WWOX: variants seen among roughly 807,000 people sequenced by gnomAD.
The protein encoded by WWOX is WW domain-containing oxidoreductase.
A neutral mutation model predicts 46.2 loss-of-function variants in WWOX; 69 were observed. The observed-to-expected ratio is 1.49, with a 90% confidence interval of 1.23 to 1.82. WWOX has a LOEUF of 1.82. Among genes scored for constraint, WWOX ranks in the 40% most tolerant of loss-of-function variants. The probability of loss-of-function intolerance (pLI) is 0.00; values close to 1 mark genes in which losing one functional copy is unlikely to be tolerated. For missense variants in WWOX, 919 were observed against 542.6 expected, an observed-to-expected ratio of 1.69 and a Z score of -6.89; for synonymous variants, 359 against 202.6, an observed-to-expected ratio of 1.77 and a Z score of -6.56.
intron 8 of WWOX, among the ~76,000 whole-genome samples, chr16:78,802,165 C>T (rs1026790555): frequency 6.7e-6 from 1 of 148,224 alleles, no homozygotes; most frequent in East Asian, 2.0e-4. Flanking sequence ...ATATACAACA[C>T]AAAGAGCGAA....
At chr16:78,304,633 T>C (rs1309229367) in intron 5 of WWOX, among the ~76,000 whole-genome samples, 1 of 152,228 alleles carries the variant, frequency 6.6e-6, no homozygotes, top group Admixed American at 6.5e-5. Context: ...CGATAATCCA[T>C]TGCAGAGCTG....
In WWOX at chr16:79,181,558, G is replaced by T. The variant is rs187883995; in HGVS notation, c.1057-30050G>T. ...GTATTGTTGAAAACTCTTGGTAGGGGTTTTTTTTTTAATTGGCTGGAAGCA... is the reference window on the plus strand; with the variant it reads ...GTATTGTTGAAAACTCTTGGTAGGGTTTTTTTTTTTAATTGGCTGGAAGCA... On this transcript the variant is annotated intron_variant, in intron 8 of 8. Coordinates refer to ENST00000566780, the MANE Select transcript of WWOX (RefSeq NM_016373.4). 9.4e-3 allele frequency among the ~76,000 whole-genome samples: 1,395 copies of T among 148,684 alleles called. 12 individuals are homozygous for T. Among genetic ancestry groups the T allele is most frequent in the Non-Finnish European group, 0.016 (1,052 of 66,862 alleles).
At chr16:78,679,509 C>G (rs1187784542) in intron 8 of WWOX, among the ~76,000 whole-genome samples, 1 of 152,058 alleles carries the variant, frequency 6.6e-6, no homozygotes, top group Non-Finnish European at 1.5e-5. Context: ...CAAAATTGCA[C>G]CACTGCACTC....
At chr16:78,331,176 G>C (rs548374267) in intron 5 of WWOX, among the ~76,000 whole-genome samples, 19 of 152,206 alleles carry the variant, frequency 1.2e-4, no homozygotes, top group African/African-American at 4.6e-4. Flanking sequence ...ACGGCTTTTT[G>C]TTGCAACTAA....
chr16:79,194,127 G>A (rs189366555), intron 8 of WWOX, among the ~76,000 whole-genome samples: 13 of 152,210 alleles, frequency 8.5e-5, no homozygotes, highest in Admixed American at 7.2e-4. Flanking sequence ...CGTGTGGCAC[G>A]TAATGCATAT....
At chr16:78,457,340 G>C (rs79134196) in intron 8 of WWOX, among the ~76,000 whole-genome samples, 6,310 of 152,206 alleles carry the variant, frequency 0.041, 440 homozygotes, top group African/African-American at 0.14. Flanking sequence ...TTTGCTACTT[G>C]TTCTCTTGGT....
At chr16:78,106,159 G>A (rs2032130489) in intron 1 of WWOX, among the ~76,000 whole-genome samples, 1 of 152,198 alleles carries the variant, frequency 6.6e-6, no homozygotes, top group Non-Finnish European at 1.5e-5. Context: ...CACATTTGAT[G>A]TGTGCCTATG....
chr16:78,804,191 A>G (rs79542985), intron 8 of WWOX, among the ~76,000 whole-genome samples: 8,755 of 152,196 alleles, frequency 0.058, 868 homozygotes, highest in African/African-American at 0.2. Flanking sequence ...TGAAGAGCCC[A>G]GGAACTGCAG....
intron 8 of WWOX, among the ~76,000 whole-genome samples, chr16:78,697,486 A>C (rs2048125882): frequency 6.6e-6 from 1 of 151,072 alleles, no homozygotes; most frequent in Non-Finnish European, 1.5e-5. Context: ...AGTGGGAGAA[A>C]ATCTATACAA....
chr16:78,404,180 G>C (rs1440872526), intron 6 of WWOX, among the ~76,000 whole-genome samples: 1 of 152,034 alleles, frequency 6.6e-6, no homozygotes, highest in African/African-American at 2.4e-5. Flanking sequence ...GGGACTCGGG[G>C]GTTTTTTAAA....
At chr16:78,535,940 C>T (rs2043749431) in intron 8 of WWOX, among the ~76,000 whole-genome samples, 1 of 152,124 alleles carries the variant, frequency 6.6e-6, no homozygotes, top group African/African-American at 2.4e-5. Context: ...AGGTTCTGCG[C>T]ACAAAATTCG....
At chr16:78,294,935 A>C (rs960603451) in intron 5 of WWOX, among the ~76,000 whole-genome samples, 1 of 152,210 alleles carries the variant, frequency 6.6e-6, no homozygotes, top group Admixed American at 6.5e-5. Context: ...CCAAGGAGAT[A>C]CGCGACTTTC....
chr16:79,185,613 T>G (rs2050997804), intron 8 of WWOX, among the ~76,000 whole-genome samples: 1 of 152,154 alleles, frequency 6.6e-6, no homozygotes, highest in East Asian at 1.9e-4. Context: ...TTTCACGGCT[T>G]GGGTTGTCAG....
intron 8 of WWOX, among the ~76,000 whole-genome samples, chr16:79,078,959 G>A (rs1433685261): frequency 6.6e-6 from 1 of 152,128 alleles, no homozygotes; most frequent in Non-Finnish European, 1.5e-5. Context: ...TGGCCCTGAA[G>A]TTATTTTTCC....
intron 8 of WWOX, among the ~76,000 whole-genome samples, chr16:78,795,433 C>G (rs1178561986): frequency 6.6e-6 from 1 of 152,084 alleles, no homozygotes; most frequent in African/African-American, 2.4e-5. Context: ...GAAGGCTACC[C>G]ATGGACTACA....
chr16:78,624,151 T>G (rs978699587), intron 8 of WWOX, among the ~76,000 whole-genome samples: 9 of 152,200 alleles, frequency 5.9e-5, no homozygotes, highest in African/African-American at 1.9e-4. Context: ...AAAGTGAAAT[T>G]GGAATTTTTG....
At chr16:78,664,643 A>G (rs1171917021) in intron 8 of WWOX, among the ~76,000 whole-genome samples, 1 of 152,176 alleles carries the variant, frequency 6.6e-6, no homozygotes, top group East Asian at 1.9e-4. Context: ...AGCCCGGTGT[A>G]TCCGTATCAG....
intron 8 of WWOX, among the ~76,000 whole-genome samples, chr16:78,704,766 C>G (rs911427632): frequency 1.6e-4 from 25 of 152,264 alleles, no homozygotes; most frequent in African/African-American, 5.8e-4. Context: ...TCCCTGTTGA[C>G]TCCTTTCTTT....
chr16:78,318,802 C>A (rs1162025654), intron 5 of WWOX, among the ~76,000 whole-genome samples: 1 of 152,148 alleles, frequency 6.6e-6, no homozygotes, highest in Non-Finnish European at 1.5e-5. Flanking sequence ...GATTTTTACT[C>A]ACTTTTCTAC....
Sources: gnomAD v4.1 joint callset for allele counts (sites outside exome capture counted in the v4.1 genomes callset) on GRCh38, gnomAD v4.1.1 for gene constraint, MANE v1.5 for transcripts, NCBI Gene and HGNC (gene_info 2026-07-23, HGNC 2026-07-21) for gene names.